The following DMD variants were observed in gnomAD, a reference collection of about 807,000 sequenced individuals.
DMD encodes the protein dystrophin.
Under a neutral mutation model 330.1 loss-of-function variants are expected in DMD, and 63 were observed. The ratio of observed to expected loss-of-function variants is 0.19; its 90% CI spans 0.16 to 0.24. The LOEUF is 0.24. DMD is among the 10% of genes least tolerant of loss of function. The pLI, the probability that DMD is intolerant of heterozygous loss-of-function variation, is 1.00. For synonymous variants in DMD, 1,223 were observed against 959.8 expected, an observed-to-expected ratio of 1.27 and a Z score of -5.07; for missense variants, 3,344 against 2,684.1, an observed-to-expected ratio of 1.25 and a Z score of -5.43.
intron 59 of DMD, among the ~76,000 whole-genome samples, chrX:31,454,440 A>G (rs1603047358): frequency 8.9e-6 from 1 of 112,124 alleles, no homozygotes; most frequent in African/African-American, 3.2e-5. Context: ...CTGCGCCTGA[A>G]GTTTTACATT....
At chrX:32,549,241 G>C (rs1309291070) in intron 16 of DMD, among the ~76,000 whole-genome samples, 1 of 111,314 alleles carries the variant, frequency 9.0e-6, no homozygotes, top group Non-Finnish European at 1.9e-5. Flanking sequence ...ATTTGGGGCT[G>C]GTTGGTTCTT....
At chrX:31,700,739 T>A (rs887230973) in intron 52 of DMD, among the ~76,000 whole-genome samples, 5 of 112,319 alleles carry the variant, frequency 4.5e-5, no homozygotes, top group African/African-American at 6.5e-5. Context: ...ATAATTTTTT[T>A]AAAAACATAA....
intron 70 of DMD, 116 bp downstream of exon 70, chrX:31,178,553 T>C: frequency 3.8e-6 from 4 of 1,039,886 alleles, no homozygotes; most frequent in Non-Finnish European, 5.0e-6. Flanking sequence ...CTAATGTAAA[T>C]AAAAAGAAAG....
chrX:31,273,572 G>A (rs985222452), intron 62 of DMD, among the ~76,000 whole-genome samples: 24 of 112,059 alleles, frequency 2.1e-4, no homozygotes, highest in African/African-American at 6.8e-4. Context: ...AGTAAACAAA[G>A]GAATTACCAG....
Position 32,558,938 on chromosome X carries a change from C to CTTTTTTTTTT in DMD, c.1992+6754_1992+6763dup, listed in dbSNP as rs60739281. On this transcript the variant is annotated intron_variant, in intron 16 of 78. Transcript: ENST00000357033. ...TATTTGAGATGTAACTTCAAATTTT[C>CTTTTTTTTTT]TTTTTTTTTTTTTTTTTTTTTTTTT... 2.4e-4 allele frequency among the ~76,000 whole-genome samples: 12 copies of CTTTTTTTTTT among 50,814 alleles called. 3 individuals carry two copies. Among genetic ancestry groups the CTTTTTTTTTT allele is most frequent in the Non-Finnish European group, 3.1e-4 (10 of 32,096 alleles). 44.1% of individuals were successfully genotyped at this position (50,814 alleles called of 115,157 possible).
At chrX:31,506,309 G>C (rs758715614) in intron 56 of DMD, among the ~76,000 whole-genome samples, 222 of 111,716 alleles carry the variant, frequency 2.0e-3, no homozygotes, top group African/African-American at 7.1e-3. Context: ...TTTCTACCTA[G>C]AGGTAGTAAC....
At chrX:31,577,251 G>T (rs1351853574) in intron 55 of DMD, among the ~76,000 whole-genome samples, 1 of 112,561 alleles carries the variant, frequency 8.9e-6, no homozygotes, top group Non-Finnish European at 1.9e-5. Flanking sequence ...GGCATTCGTT[G>T]TGATATTACT....
At chrX:31,576,917 G>A (rs1017962723) in intron 55 of DMD, among the ~76,000 whole-genome samples, 6 of 110,005 alleles carry the variant, frequency 5.5e-5, no homozygotes, top group Admixed American at 9.7e-5. Flanking sequence ...GGGTTTCACC[G>A]TGTTAGCCAG....
At chrX:31,690,173 T>A (rs1422023935) in intron 52 of DMD, among the ~76,000 whole-genome samples, 8 of 111,132 alleles carry the variant, frequency 7.2e-5, no homozygotes, top group Admixed American at 3.8e-4. Context: ...ACCATCAGAG[T>A]GAACAGGCAG....
chrX:32,189,669 A>G (rs1156459335), intron 44 of DMD, among the ~76,000 whole-genome samples: 1 of 109,816 alleles, frequency 9.1e-6, no homozygotes, highest in East Asian at 2.9e-4. Flanking sequence ...ATTTCCGCAA[A>G]GTTATTAGGA....
intron 1 of DMD, among the ~76,000 whole-genome samples, chrX:33,262,053 C>T (rs2052965988): frequency 9.2e-6 from 1 of 108,630 alleles, no homozygotes; most frequent in East Asian, 2.9e-4. Context: ...GAATTCTCAA[C>T]AATAAAATTA....
chrX:31,543,167 TTTTTA>T (rs200452886), intron 55 of DMD, among the ~76,000 whole-genome samples: 1,975 of 110,493 alleles, frequency 0.018, 18 homozygotes, highest in Non-Finnish European at 0.031. Flanking sequence ...TTATTTTTTA[TTTTTA>T]TTTTATTTTA....
chrX:32,589,436 A>T lies in DMD; in HGVS notation c.1602+6321T>A, dbSNP rs1356724588. ...CTCATATGTGCTTATGTTTATGTAT[A>T]TGTATGTATATACATATATATACAT... On this transcript the variant is annotated intron_variant, in intron 13 of 78. Coordinates refer to ENST00000357033, the MANE Select transcript of DMD (RefSeq NM_004006.3). Among the ~76,000 whole-genome samples the T allele has an allele frequency of 5.4e-5, 6 of 110,555 alleles. No homozygotes were observed. In the East Asian group the frequency reaches 1.7e-3, roughly 31 times the overall value.
chrX:32,422,440 G>T (rs1011401842), intron 29 of DMD, among the ~76,000 whole-genome samples: 9 of 111,608 alleles, frequency 8.1e-5, no homozygotes, highest in African/African-American at 2.9e-4. Context: ...ACCGAAGTTA[G>T]AAAGAAAAGA....
chrX:31,470,885 T>C lies in DMD; in HGVS notation c.8937+7221A>G, dbSNP rs749506878. On this transcript the variant is annotated intron_variant, in intron 59 of 78. Coordinates refer to ENST00000357033, the MANE Select transcript of DMD (RefSeq NM_004006.3). Reference sequence around the variant, plus strand: ...ATCTAGAGAGGCAATCTGGCTACAGTGGCTTTGCCGAGCTGCGGTGAGCTC... The same window carrying C: ...ATCTAGAGAGGCAATCTGGCTACAGCGGCTTTGCCGAGCTGCGGTGAGCTC... 2.7e-5 allele frequency among the ~76,000 whole-genome samples: 3 copies of C among 112,345 alleles called. No homozygotes were observed. In the Admixed American group the frequency reaches 2.8e-4, roughly 11 times the overall value.
rs1415360989 is a variant in DMD, at chrX:31,180,395, T to C, written c.10061A>G (p.Tyr3354Cys). 4 of 1,205,134 alleles carry C rather than the reference T, an allele frequency of 3.3e-6. No individual in the cohort carries two copies. Among genetic ancestry groups the C allele is most frequent in the East Asian group, 3.0e-5 (1 of 33,762 alleles). The change falls in exon 69 of 79, where the codon TAT (tyrosine) becomes TGT (cysteine). Residue 3354 changes from tyrosine to cysteine, a missense_variant. Coordinates refer to ENST00000357033, the MANE Select transcript of DMD (RefSeq NM_004006.3). Reference protein sequence around the residue: ...GRVAKGHKMHYPMVEYCTPTT... With the variant: ...GRVAKGHKMHCPMVEYCTPTT... The stretch of plus-strand genomic sequence containing the variant: ...CGGAGTGCAATATTCCACCATGGGA[T>C]AGTGCATTTTATGGCCTTTTGCAAC...
Position 33,009,968 on chromosome X carries a change from A to G in DMD, c.93+10171T>C, listed in dbSNP as rs771503034. ...CACGTGTGTATGTGTATATACACAT[A>G]TGTGTGTATACACATGTGTGTATAT... On this transcript the variant is annotated intron_variant, in intron 2 of 78. Coordinates refer to ENST00000357033, the MANE Select transcript of DMD (RefSeq NM_004006.3). Among the ~76,000 whole-genome samples, 16 of 55,612 alleles carry G rather than the reference A, an allele frequency of 2.9e-4. 2 individuals carry two copies. The highest frequency in any genetic ancestry group is 7.5e-4 in the African/African-American group (9 of 11,957). 48.3% of individuals were successfully genotyped at this position (55,612 alleles called of 115,157 possible).
chrX:31,574,137 T>TG (rs2075968517), intron 55 of DMD, among the ~76,000 whole-genome samples: 1 of 95,305 alleles, frequency 1.0e-5, no homozygotes, highest in African/African-American at 3.9e-5. Flanking sequence ...TCTGTTTGTT[T>TG]TTTTTTTTGT....
At position 31,597,853 on chromosome X, in the gene DMD, G is replaced by GT. The variant is rs200668107; in HGVS notation, c.8217+29819dup. 7.8e-4 allele frequency among the ~76,000 whole-genome samples: 87 copies of GT among 111,598 alleles called. No individual in the cohort carries two copies. In the East Asian group the frequency reaches 0.022, roughly 29 times the overall value. On this transcript the variant is annotated intron_variant, in intron 55 of 78. Transcript: ENST00000357033. ...TCTGTTAATACCACATATCAGAAGG[G>GT]TTTTAGTTCAGCCCCAGACATGATA...
Sources: gnomAD v4.1 joint callset for allele counts (sites outside exome capture counted in the v4.1 genomes callset) on GRCh38, gnomAD v4.1.1 for gene constraint, MANE v1.5 for transcripts, NCBI Gene and HGNC (gene_info 2026-07-23, HGNC 2026-07-21) for gene names.